CACNA2D3: variants seen among roughly 807,000 people sequenced by gnomAD.
The protein encoded by CACNA2D3 is voltage-dependent calcium channel subunit alpha-2/delta-3.
CACNA2D3 carries 60 observed loss-of-function variants against 160.6 expected under a neutral mutation model. The observed-to-expected ratio is 0.37, with a 90% CI of 0.30 to 0.46. The LOEUF is 0.46. Among genes scored for constraint, CACNA2D3 ranks in the 20% least tolerant of loss-of-function variants. CACNA2D3 has a pLI of 1.00. For missense variants in CACNA2D3, 1,205 were observed against 1,365.0 expected (o/e 0.88, Z 1.85); for synonymous variants, 558 against 492.9 (o/e 1.13, Z -1.75).
At chr3:54,889,193 G>A (rs1699998555) in intron 24 of CACNA2D3, among the ~76,000 whole-genome samples, 1 of 152,242 alleles carries the variant, frequency 6.6e-6, no homozygotes, top group Non-Finnish European at 1.5e-5. Context: ...CATGGCTCAG[G>A]ACCTTGGGAG....
At chr3:54,469,742 T>C (rs920952801) in intron 4 of CACNA2D3, among the ~76,000 whole-genome samples, 1 of 151,892 alleles carries the variant, frequency 6.6e-6, no homozygotes, top group Non-Finnish European at 1.5e-5. Flanking sequence ...ATAAATGACC[T>C]GATGGAGCTG....
At chr3:54,949,777 A>G (rs1701709465) in intron 27 of CACNA2D3, among the ~76,000 whole-genome samples, 1 of 147,804 alleles carries the variant, frequency 6.8e-6, no homozygotes, top group Non-Finnish European at 1.5e-5. Flanking sequence ...AGATAGATGC[A>G]TCCTTAGGCT....
chr3:54,564,207 C>T lies in CACNA2D3; in HGVS notation c.676+1276C>T, dbSNP rs112783965. Among the ~76,000 whole-genome samples the T allele has an allele frequency of 1.4e-3, 211 of 152,278 alleles. 3 individuals carry two copies. The highest frequency in any genetic ancestry group is 4.5e-3 in the African/African-American group (189 of 41,556). ...GAGGGCAAGACAGATAAGTAGAAACCGCAGATCACCTGTTGTCTCCTCCAA... is the reference window on the plus strand; with the variant it reads ...GAGGGCAAGACAGATAAGTAGAAACTGCAGATCACCTGTTGTCTCCTCCAA... On this transcript the variant is annotated intron_variant, in intron 6 of 37. Transcript: ENST00000474759.
intron 27 of CACNA2D3, among the ~76,000 whole-genome samples, chr3:54,938,829 C>G (rs1701390447): frequency 6.6e-6 from 1 of 152,138 alleles, no homozygotes; most frequent in African/African-American, 2.4e-5. Context: ...AAATATGATT[C>G]TAGAAAAGTC....
chr3:54,907,374 A>G (rs1700468479), intron 27 of CACNA2D3, among the ~76,000 whole-genome samples: 1 of 152,204 alleles, frequency 6.6e-6, no homozygotes, highest in South Asian at 2.1e-4. Context: ...TTACCACCAG[A>G]GAAAAGGGAA....
intron 2 of CACNA2D3, among the ~76,000 whole-genome samples, chr3:54,145,973 G>A (rs1419221927): frequency 6.6e-6 from 1 of 151,954 alleles, no homozygotes; most frequent in African/African-American, 2.4e-5. Flanking sequence ...CTCTTCAGGT[G>A]GGCCTAATCT....
intron 2 of CACNA2D3, among the ~76,000 whole-genome samples, chr3:54,316,764 G>A (rs1265635765): frequency 6.6e-6 from 1 of 152,182 alleles, no homozygotes; most frequent in Non-Finnish European, 1.5e-5. Flanking sequence ...AAAAAAGTGG[G>A]ATATAGGAAG....
At chr3:54,875,912 TACC>T (rs1699647741) in intron 18 of CACNA2D3, among the ~76,000 whole-genome samples, 1 of 152,322 alleles carries the variant, frequency 6.6e-6, no homozygotes, top group East Asian at 1.9e-4. Context: ...TCCATTGCAT[TACC>T]ACACTTGCGA....
At chr3:54,433,616 G>A (rs990054970) in intron 4 of CACNA2D3, among the ~76,000 whole-genome samples, 3 of 152,178 alleles carry the variant, frequency 2.0e-5, no homozygotes, top group Admixed American at 1.3e-4. Context: ...TAACAAATGA[G>A]CGTAGGAAGA....
intron 31 of CACNA2D3, among the ~76,000 whole-genome samples, chr3:54,991,512 C>G (rs1388931302): frequency 6.6e-6 from 1 of 152,126 alleles, no homozygotes; most frequent in African/African-American, 2.4e-5. Context: ...TGTGAGTCAT[C>G]ATGCCCGGCC....
At chr3:54,426,914 G>A (rs1481982322) in intron 4 of CACNA2D3, among the ~76,000 whole-genome samples, 2 of 152,178 alleles carry the variant, frequency 1.3e-5, no homozygotes, top group East Asian at 3.9e-4. Context: ...ATAATATGCT[G>A]TTAATGTGTC....
At chr3:54,608,352 CA>C (rs1221291905) in intron 9 of CACNA2D3, among the ~76,000 whole-genome samples, 3 of 152,186 alleles carry the variant, frequency 2.0e-5, no homozygotes, top group African/African-American at 7.2e-5. Context: ...AGGCTTTAAA[CA>C]TTCCCCTAAT....
intron 3 of CACNA2D3, among the ~76,000 whole-genome samples, chr3:54,357,866 A>G (rs951014052): frequency 3.3e-5 from 5 of 152,258 alleles, no homozygotes; most frequent in African/African-American, 1.2e-4. Flanking sequence ...TGGAGAAGGA[A>G]AAACTGTGGA....
intron 2 of CACNA2D3, among the ~76,000 whole-genome samples, chr3:54,296,525 T>C (rs995141571): frequency 6.6e-6 from 1 of 152,178 alleles, no homozygotes; most frequent in Admixed American, 6.5e-5. Context: ...CAAAACAGCA[T>C]TTAAGTGAGA....
intron 13 of CACNA2D3, among the ~76,000 whole-genome samples, chr3:54,767,266 G>T (rs1230825456): frequency 6.6e-6 from 1 of 151,984 alleles, no homozygotes; most frequent in African/African-American, 2.4e-5. Context: ...AGAAAGGGAG[G>T]AAAAAAACTT....
At chr3:54,156,982 G>C (rs1182743009) in intron 2 of CACNA2D3, among the ~76,000 whole-genome samples, 1 of 152,164 alleles carries the variant, frequency 6.6e-6, no homozygotes, top group Non-Finnish European at 1.5e-5. Flanking sequence ...AACTGTATTA[G>C]TCTGCTAGAA....
chr3:54,456,742 A>T (rs1700403707), intron 4 of CACNA2D3, among the ~76,000 whole-genome samples: 1 of 151,840 alleles, frequency 6.6e-6, no homozygotes, highest in African/African-American at 2.4e-5. Context: ...GCTTTTCTTT[A>T]TTGGGAGGTT....
intron 11 of CACNA2D3, among the ~76,000 whole-genome samples, chr3:54,705,673 C>A (rs1700844383): frequency 6.6e-6 from 1 of 152,148 alleles, no homozygotes; most frequent in African/African-American, 2.4e-5. Flanking sequence ...TCCCAATGTT[C>A]CTATAACTAA....
At chr3:54,666,948 T>C (rs1199806445) in intron 11 of CACNA2D3, among the ~76,000 whole-genome samples, 1 of 152,224 alleles carries the variant, frequency 6.6e-6, no homozygotes, top group Non-Finnish European at 1.5e-5. Flanking sequence ...TGCTGAATTC[T>C]AGTGGAACAT....
Sources: allele counts gnomAD v4.1 joint callset (sites outside exome capture counted in the v4.1 genomes callset), GRCh38; gene constraint gnomAD v4.1.1; transcripts MANE v1.5; gene names NCBI Gene and HGNC (gene_info 2026-07-23, HGNC 2026-07-21).